EFCAB13: variants seen among roughly 807,000 people sequenced by gnomAD.
EFCAB13 encodes EF-hand calcium binding domain 13.
A neutral mutation model predicts 110.2 loss-of-function variants in EFCAB13; 91 were observed. The ratio of observed to expected loss-of-function variants is 0.83; its 90% CI spans 0.70 to 0.98. The LOEUF is 0.98. Among genes scored for constraint, EFCAB13 ranks in the 50% least tolerant of loss-of-function variants. The probability of loss-of-function intolerance (pLI) is 0.00; values close to 1 mark genes in which losing one functional copy is unlikely to be tolerated. For synonymous variants in EFCAB13, 323 were observed against 369.9 expected, an observed-to-expected ratio of 0.87 and a Z score of 1.45; for missense variants, 968 against 1,119.4, an observed-to-expected ratio of 0.86 and a Z score of 1.93.
intron 1 of EFCAB13, 114 bp downstream of exon 1, chr17:47,324,188 A>G (rs1287907265): frequency 6.5e-6 from 1 of 153,106 alleles, no homozygotes; most frequent in African/African-American, 2.4e-5. Context: ...CGAGGGAGGA[A>G]GGAGAACAGT....
At chr17:47,343,463 C>T (rs1203861431) in intron 6 of EFCAB13, among the ~76,000 whole-genome samples, 1 of 151,898 alleles carries the variant, frequency 6.6e-6, no homozygotes, top group Non-Finnish European at 1.5e-5. Context: ...AAGTTTTTTC[C>T]TTCCCCACTC....
At chr17:47,335,695 G>A (rs1251339982) in intron 5 of EFCAB13, among the ~76,000 whole-genome samples, 1 of 152,162 alleles carries the variant, frequency 6.6e-6, no homozygotes, top group Admixed American at 6.5e-5. Flanking sequence ...GGAAGCCTCA[G>A]GAAACTTAGA....
intron 9 of EFCAB13, among the ~76,000 whole-genome samples, chr17:47,351,191 G>A (rs2065447680): frequency 6.6e-6 from 1 of 152,028 alleles, no homozygotes; most frequent in Admixed American, 6.5e-5. Flanking sequence ...AAACAAGTCA[G>A]AAACAGAAAG....
chr17:47,370,741 T>G (rs2065578021), intron 11 of EFCAB13, among the ~76,000 whole-genome samples: 1 of 122,932 alleles, frequency 8.1e-6, no homozygotes, highest in Admixed American at 8.6e-5. Context: ...GTTGTTTGTT[T>G]TTTTTTTTTT....
intron 23 of EFCAB13, among the ~76,000 whole-genome samples, chr17:47,428,930 T>C (rs1205889154): frequency 2.6e-5 from 4 of 152,214 alleles, no homozygotes; most frequent in African/African-American, 9.6e-5. Context: ...TTGTTGGCTA[T>C]TTACATTCAG....
chr17:47,348,752 C>T (rs2065432039), intron 9 of EFCAB13, among the ~76,000 whole-genome samples: 1 of 150,286 alleles, frequency 6.7e-6, no homozygotes, highest in Non-Finnish European at 1.5e-5. Context: ...ATTTTTTGCC[C>T]ATTGAAAAAT....
chr17:47,422,793 G>A (rs1427887797), intron 23 of EFCAB13, among the ~76,000 whole-genome samples: 1 of 152,100 alleles, frequency 6.6e-6, no homozygotes, highest in Admixed American at 6.5e-5. Context: ...GTTTCAATAT[G>A]CTTTCAGTTC....
At chr17:47,336,537 T>G (rs564543225) in intron 5 of EFCAB13, among the ~76,000 whole-genome samples, 2 of 151,938 alleles carry the variant, frequency 1.3e-5, no homozygotes, top group African/African-American at 4.8e-5. Context: ...ATGATCCGCC[T>G]GCTTCTGCCT....
chr17:47,327,428 G>A (rs530367666), intron 3 of EFCAB13, among the ~76,000 whole-genome samples: 1 of 151,964 alleles, frequency 6.6e-6, no homozygotes, highest in Non-Finnish European at 1.5e-5. Flanking sequence ...CTCTCAAAGT[G>A]CTGGGATTAC....
At chr17:47,353,594 C>G (rs990842145) in intron 9 of EFCAB13, among the ~76,000 whole-genome samples, 1 of 152,118 alleles carries the variant, frequency 6.6e-6, no homozygotes, top group Non-Finnish European at 1.5e-5. Context: ...CTGCACCCAG[C>G]CCAGATTTTA....
chr17:47,365,772 A>C (rs2065542172), intron 10 of EFCAB13, among the ~76,000 whole-genome samples: 1 of 152,160 alleles, frequency 6.6e-6, no homozygotes, highest in Non-Finnish European at 1.5e-5. Context: ...CAGAAAGAGG[A>C]TTGTACCTGT....
At chr17:47,396,547 A>G (rs1375413166) in intron 17 of EFCAB13, among the ~76,000 whole-genome samples, 2 of 152,226 alleles carry the variant, frequency 1.3e-5, no homozygotes, top group Non-Finnish European at 2.9e-5. Context: ...GAGAGTACCC[A>G]GCCTACAGGT....
At chr17:47,439,215 C>G (rs1047899470) in intron 24 of EFCAB13, among the ~76,000 whole-genome samples, 16 of 113,250 alleles carry the variant, frequency 1.4e-4, no homozygotes, top group Non-Finnish European at 2.2e-4. Context: ...CTTGCTCTGT[C>G]GCTCAGGCTG....
intron 15 of EFCAB13, among the ~76,000 whole-genome samples, chr17:47,392,140 T>C (rs1200382417): frequency 6.6e-6 from 1 of 152,184 alleles, no homozygotes; most frequent in Non-Finnish European, 1.5e-5. Context: ...CATATTACAC[T>C]ATTCTATTTT....
intron 19 of EFCAB13, 108 bp downstream of exon 19, chr17:47,404,129 G>A (rs564047144): frequency 2.4e-5 from 21 of 881,228 alleles, no homozygotes; most frequent in South Asian, 1.9e-4. Context: ...TCTTTGAAAC[G>A]GAGCCTTTCC....
At chr17:47,420,137 A>G (rs895598035) in intron 23 of EFCAB13, among the ~76,000 whole-genome samples, 2 of 152,228 alleles carry the variant, frequency 1.3e-5, no homozygotes, top group Admixed American at 6.5e-5. Flanking sequence ...TTTGGTGGAG[A>G]CGGGGTTTCG....
intron 24 of EFCAB13, among the ~76,000 whole-genome samples, chr17:47,434,041 G>C (rs1905167064): frequency 6.6e-6 from 1 of 151,964 alleles, no homozygotes; most frequent in Non-Finnish European, 1.5e-5. Context: ...AAAAGTTGCT[G>C]TCTGTTGTGA....
At chr17:47,367,447 G>A (rs943031390) in intron 10 of EFCAB13, among the ~76,000 whole-genome samples, 2 of 152,184 alleles carry the variant, frequency 1.3e-5, no homozygotes, top group Non-Finnish European at 2.9e-5. Context: ...GCCCCACCCC[G>A]CCGCCATGGC....
intron 7 of EFCAB13, 99 bp from the exon 8 acceptor site, chr17:47,344,917 T>C (rs866687702): frequency 1.2e-5 from 10 of 866,852 alleles, no homozygotes; most frequent in Middle Eastern, 2.9e-4. Context: ...TCAAGAAAGG[T>C]TCTTATGAAT....
Sources: gnomAD v4.1 joint callset for allele counts (sites outside exome capture counted in the v4.1 genomes callset) on GRCh38, gnomAD v4.1.1 for gene constraint, MANE v1.5 for transcripts, NCBI Gene and HGNC (gene_info 2026-07-23, HGNC 2026-07-21) for gene names.